IMMP2L: variants seen among roughly 807,000 people sequenced by gnomAD.
The protein encoded by IMMP2L is inner mitochondrial membrane peptidase subunit 2, also known as mitochondrial inner membrane protease subunit 2.
IMMP2L carries 18 observed loss-of-function variants against 19.3 expected under a neutral mutation model. That is an observed-to-expected ratio of 0.93 (90% CI 0.64 to 1.38). IMMP2L has a LOEUF of 1.38. Ranked by LOEUF, IMMP2L falls within the 40% of genes most tolerant of loss-of-function variation. IMMP2L has a pLI of 0.00. For missense variants in IMMP2L, 233 were observed against 218.2 expected, an observed-to-expected ratio of 1.07 and a Z score of -0.43; for synonymous variants, 76 against 73.0, an observed-to-expected ratio of 1.04 and a Z score of -0.21.
intron 3 of IMMP2L, among the ~76,000 whole-genome samples, chr7:111,264,356 G>A (rs1817621644): frequency 6.6e-6 from 1 of 152,110 alleles, no homozygotes; most frequent in Non-Finnish European, 1.5e-5. Context: ...TTGCCCAACA[G>A]TGTCAAATCC....
chr7:110,756,561 G>A (rs1798054852), intron 5 of IMMP2L, among the ~76,000 whole-genome samples: 1 of 152,014 alleles, frequency 6.6e-6, no homozygotes, highest in Non-Finnish European at 1.5e-5. Context: ...AAAGAAGTAG[G>A]CCAAGCACCG....
At chr7:110,777,325 C>T (rs1799454233) in intron 5 of IMMP2L, among the ~76,000 whole-genome samples, 1 of 151,948 alleles carries the variant, frequency 6.6e-6, no homozygotes, top group South Asian at 2.1e-4. Flanking sequence ...GCTATGACAA[C>T]CCCACGAGCC....
In IMMP2L at chr7:111,454,766, G is replaced by A. The variant is rs567661367; in HGVS notation, c.239+32472C>T. On this transcript the variant is annotated intron_variant, in intron 3 of 5. Coordinates refer to ENST00000405709, the MANE Select transcript of IMMP2L (RefSeq NM_032549.4). ...TCTCTTTACCCAAAAATATAATCTG[G>A]ATTAAATTCAATTTACTGACCCAAA... 4.3e-4 allele frequency among the ~76,000 whole-genome samples: 66 copies of A among 151,786 alleles called. 1 individual carries two copies. In the South Asian group the frequency reaches 0.013, roughly 31 times the overall value.
intron 3 of IMMP2L, among the ~76,000 whole-genome samples, chr7:111,256,507 G>A (rs1416475120): frequency 6.6e-6 from 1 of 151,980 alleles, no homozygotes; most frequent in African/African-American, 2.4e-5. Context: ...ATATCTCATT[G>A]AAGAAGGATT....
intron 5 of IMMP2L, among the ~76,000 whole-genome samples, chr7:110,816,989 G>T (rs1264551536): frequency 6.6e-6 from 1 of 152,124 alleles, no homozygotes; most frequent in African/African-American, 2.4e-5. Flanking sequence ...ATTGTTATGT[G>T]TGACTTTGGT....
chr7:110,771,633 A>C (rs1443737274), intron 5 of IMMP2L, among the ~76,000 whole-genome samples: 1 of 152,214 alleles, frequency 6.6e-6, no homozygotes, highest in East Asian at 1.9e-4. Context: ...CACACATAGA[A>C]TAGTACCTGA....
rs535533800 is a variant in IMMP2L at position 111,228,521 on chromosome 7, C to T, written c.239+258717G>A. Among the ~76,000 whole-genome samples the T allele has an allele frequency of 2.6e-5, 4 of 151,436 alleles. No individual in the cohort carries two copies. In the East Asian group the frequency reaches 7.7e-4, roughly 29 times the overall value. ...GACAGCTTCCTGATGGTCCTTGAGA[C>T]CAGATGGCCAAGACCAGTACAGACC... On this transcript the variant is annotated intron_variant, in intron 3 of 5. Transcript: ENST00000405709.
rs142995115 is a variant in IMMP2L, at chr7:111,000,581, C to T, written c.240-37016G>A. Among the ~76,000 whole-genome samples, 408 of 152,258 alleles carry T rather than the reference C, an allele frequency of 2.7e-3. 1 individual carries two copies. The highest frequency in any genetic ancestry group is 9.3e-3 in the African/African-American group (385 of 41,546). ...TGGATGGATGGGGCGCAGTGGCTCA[C>T]GCCTGTAATCCCAGTGCTTTGGGAG... is the stretch of plus-strand genomic sequence containing the variant. On this transcript the variant is annotated intron_variant, in intron 3 of 5. Transcript: ENST00000405709.
At chr7:111,553,374 C>T (rs1442650678) in intron 1 of IMMP2L, among the ~76,000 whole-genome samples, 1 of 152,054 alleles carries the variant, frequency 6.6e-6, no homozygotes. Context: ...GTATGTCAAG[C>T]TTCCTACAGT....
At chr7:111,304,723 A>G (rs1013580657) in intron 3 of IMMP2L, among the ~76,000 whole-genome samples, 13 of 96,756 alleles carry the variant, frequency 1.3e-4, no homozygotes, top group African/African-American at 3.2e-4. Flanking sequence ...TGTGTGGTGT[A>G]TCCTGTAAAG....
At chr7:111,242,652 T>C (rs1024934682) in intron 3 of IMMP2L, among the ~76,000 whole-genome samples, 4 of 152,018 alleles carry the variant, frequency 2.6e-5, no homozygotes, top group Non-Finnish European at 5.9e-5. Context: ...ACAATCCTTC[T>C]TCATTCTGAA....
intron 3 of IMMP2L, among the ~76,000 whole-genome samples, chr7:111,185,137 G>T: frequency 6.6e-6 from 1 of 152,258 alleles, no homozygotes; most frequent in East Asian, 1.9e-4. Context: ...AATCTCTAAA[G>T]CTATGGCAGT....
rs190191984 is a variant in IMMP2L at position 110,717,170 on chromosome 7, A to G, written c.409-53449T>C. 1.9e-3 allele frequency among the ~76,000 whole-genome samples: 290 copies of G among 152,304 alleles called. 1 individual carries two copies. Among genetic ancestry groups the G allele is most frequent in the Admixed American group, 2.7e-3 (42 of 15,300 alleles). Reference sequence around the variant, plus strand: ...ATCAAGAGCATCCAAGTAGACTATAAAGGCTCAGTTTAAAACACAACTCAA... The same window carrying G: ...ATCAAGAGCATCCAAGTAGACTATAGAGGCTCAGTTTAAAACACAACTCAA... On this transcript the variant is annotated intron_variant, in intron 5 of 5. Coordinates refer to ENST00000405709, the MANE Select transcript of IMMP2L (RefSeq NM_032549.4).
chr7:111,370,405 G>C (rs1250088811), intron 3 of IMMP2L, among the ~76,000 whole-genome samples: 2 of 151,948 alleles, frequency 1.3e-5, no homozygotes, highest in Non-Finnish European at 2.9e-5. Flanking sequence ...GTACTACTGG[G>C]CTTAGCAAGT....
At chr7:111,290,786 GTCTC>G (rs943032649) in intron 3 of IMMP2L, among the ~76,000 whole-genome samples, 3 of 145,130 alleles carry the variant, frequency 2.1e-5, no homozygotes, top group Admixed American at 7.0e-5. Flanking sequence ...TTAATACTCT[GTCTC>G]TCTTTCTCTC....
intron 5 of IMMP2L, among the ~76,000 whole-genome samples, chr7:110,813,189 A>T (rs1802170557): frequency 6.6e-6 from 1 of 152,026 alleles, no homozygotes; most frequent in East Asian, 1.9e-4. Flanking sequence ...TAACTTTCTA[A>T]ATCATCTTAT....
chr7:110,817,216 T>C (rs367679712), intron 5 of IMMP2L, among the ~76,000 whole-genome samples: 38 of 152,198 alleles, frequency 2.5e-4, no homozygotes, highest in African/African-American at 7.7e-4. Context: ...GAAAACCCCA[T>C]TGTCTCAGCC....
intron 1 of IMMP2L, among the ~76,000 whole-genome samples, chr7:111,552,811 G>A (rs1790828752): frequency 6.6e-6 from 1 of 152,090 alleles, no homozygotes; most frequent in South Asian, 2.1e-4. Context: ...CTGAAATGAT[G>A]GTGTATGACT....
rs1046211341 is a variant in IMMP2L at position 111,199,360 on chromosome 7, C to T, written c.240-235795G>A. On this transcript the variant is annotated intron_variant, in intron 3 of 5. Coordinates refer to ENST00000405709, the MANE Select transcript of IMMP2L (RefSeq NM_032549.4). ...TAATTTCCTTTTGCACCTTCACACA[C>T]TGTCAGCAATACAACCACAGTTAAT... Among the ~76,000 whole-genome samples the T allele has an allele frequency of 1.3e-5, 2 of 152,088 alleles. 1 individual carries two copies. Among genetic ancestry groups the T allele is most frequent in the African/African-American group, 4.8e-5 (2 of 41,420 alleles).
Sources: gnomAD v4.1 joint callset for allele counts (sites outside exome capture counted in the v4.1 genomes callset) on GRCh38, gnomAD v4.1.1 for gene constraint, MANE v1.5 for transcripts, NCBI Gene and HGNC (gene_info 2026-07-23, HGNC 2026-07-21) for gene names.